ABCB10: variants seen among roughly 807,000 people sequenced by gnomAD.
ABCB10 encodes ATP binding cassette subfamily B member 10.
Under a neutral mutation model 65.4 loss-of-function variants are expected in ABCB10, and 54 were observed. That is an observed-to-expected ratio of 0.83 (90% CI 0.66 to 1.04). ABCB10 has a LOEUF of 1.04. Ranked by LOEUF, ABCB10 falls within the 50% of genes least tolerant of loss-of-function variation. The probability of loss-of-function intolerance (pLI) is 0.00; values close to 1 mark genes in which losing one functional copy is unlikely to be tolerated. For missense variants in ABCB10, 846 were observed against 976.6 expected (o/e 0.87, Z 1.78); for synonymous variants, 418 against 406.5 (o/e 1.03, Z -0.34).
At chr1:229,537,768 C>G (rs964250053) in intron 6 of ABCB10, among the ~76,000 whole-genome samples, 1 of 152,096 alleles carries the variant, frequency 6.6e-6, no homozygotes, top group African/African-American at 2.4e-5. Flanking sequence ...CCAGCTTGGG[C>G]GACAGAGCAA....
chr1:229,528,877 C>T (rs926819065), intron 8 of ABCB10, among the ~76,000 whole-genome samples: 5 of 152,046 alleles, frequency 3.3e-5, no homozygotes, highest in Non-Finnish European at 2.9e-5. Flanking sequence ...GAGTTGTTTG[C>T]TTGCTGACAT....
intron 3 of ABCB10, among the ~76,000 whole-genome samples, chr1:229,546,941 T>G (rs1384214719): frequency 2.0e-5 from 3 of 152,168 alleles, no homozygotes; most frequent in African/African-American, 4.8e-5. Flanking sequence ...CTTTTTTAAA[T>G]GTGGCTACTA....
intron 8 of ABCB10, among the ~76,000 whole-genome samples, chr1:229,529,399 G>A (rs1233450719): frequency 1.4e-5 from 2 of 145,974 alleles, no homozygotes; most frequent in Non-Finnish European, 3.0e-5. Flanking sequence ...GGCCAGGCAC[G>A]GTGGCTCACA....
At chr1:229,541,697 C>T (rs903143409) in intron 4 of ABCB10, among the ~76,000 whole-genome samples, 2 of 151,830 alleles carry the variant, frequency 1.3e-5, no homozygotes, top group East Asian at 3.9e-4. Context: ...CCCAGCACTC[C>T]GGGACGCCAA....
chr1:229,521,438 T>TA (rs1468221331), intron 11 of ABCB10, among the ~76,000 whole-genome samples, 154 bp downstream of exon 11: 1 of 150,510 alleles, frequency 6.6e-6, no homozygotes, highest in African/African-American at 2.4e-5. Flanking sequence ...TACACTAACT[T>TA]ACCTTTCACC....
Position 229,530,422 on chromosome 1 carries a change from T to C in ABCB10, c.1436-14A>G. On this transcript the variant is annotated splice_polypyrimidine_tract_variant and intron_variant, in intron 7 of 12. Coordinates refer to ENST00000344517, the MANE Select transcript of ABCB10 (RefSeq NM_012089.3). ...AGATGACCCCCTCTGAAACATAAAA[T>C]GGAATATTAATTACTTACAGCAAAA... 3 of 1,613,410 alleles carry C rather than the reference T, an allele frequency of 1.9e-6. No individual in the cohort carries two copies. The highest frequency in any genetic ancestry group is 1.7e-6 in the Non-Finnish European group (2 of 1,179,668).
At chr1:229,542,068 C>T (rs1386041697) in intron 4 of ABCB10, among the ~76,000 whole-genome samples, 169 bp downstream of exon 4, 1 of 151,774 alleles carries the variant, frequency 6.6e-6, no homozygotes, top group Non-Finnish European at 1.5e-5. Flanking sequence ...GAAATCTAGT[C>T]TAGAAAACAG....
chr1:229,526,549 C>T (rs74144731), intron 9 of ABCB10, among the ~76,000 whole-genome samples: 5,334 of 152,216 alleles, frequency 0.035, 112 homozygotes, highest in Middle Eastern at 0.11. Context: ...TAATCATATA[C>T]ACCACTGATG....
chr1:229,531,605 A>G, intron 7 of ABCB10, 31 bp downstream of exon 7: 3 of 1,600,872 alleles, frequency 1.9e-6, no homozygotes, highest in Non-Finnish European at 2.6e-6. Flanking sequence ...ACATTTGTTA[A>G]TCCTAGCAAA....
At chr1:229,520,007 A>C (rs1416799614) in intron 11 of ABCB10, among the ~76,000 whole-genome samples, 1 of 150,782 alleles carries the variant, frequency 6.6e-6, no homozygotes, top group Non-Finnish European at 1.5e-5. Context: ...TATGGTATGC[A>C]CCTATAGTCC....
intron 8 of ABCB10, among the ~76,000 whole-genome samples, chr1:229,529,408 C>A (rs1296699660): frequency 6.9e-6 from 1 of 145,956 alleles, no homozygotes; most frequent in African/African-American, 2.5e-5. Flanking sequence ...CGGTGGCTCA[C>A]ACCTGTAATC....
intron 7 of ABCB10, 123 bp downstream of exon 7, chr1:229,531,513 G>A (rs1427512519): frequency 6.3e-6 from 6 of 950,190 alleles, no homozygotes; most frequent in Non-Finnish European, 9.7e-6. Flanking sequence ...GGCCCGCCAT[G>A]CAGCAGGAGC....
chr1:229,542,172 C>T, intron 4 of ABCB10, 65 bp downstream of exon 4: 1 of 1,567,854 alleles, frequency 6.4e-7, no homozygotes, highest in Non-Finnish European at 8.6e-7. Flanking sequence ...TTAGGATCTG[C>T]CCTCTAGGAT....
Position 229,539,557 on chromosome 1 carries a change from A to G in ABCB10, c.1238T>C (p.Val413Ala), listed in dbSNP as rs1662794362. 6.2e-7 allele frequency: 1 copy of G among 1,614,058 alleles called. No homozygotes were observed. Among genetic ancestry groups the G allele is most frequent in the Non-Finnish European group, 8.5e-7 (1 of 1,180,004 alleles). Residue 413 changes from valine to alanine, a missense_variant, in exon 6 of 13, where the codon GTC (valine) becomes GCC (alanine). Val to Ala is a moderately conservative substitution (Grantham distance 64). Around this residue, in one of 2 missense-constraint regions of ABCB10, gnomAD observed 632 missense variants for 803.2 expected, o/e 0.79. Coordinates refer to ENST00000344517, the MANE Select transcript of ABCB10 (RefSeq NM_012089.3). ...CATCAGCAGCCCTCCTTTGTACAGG[A>G]CAGAAAGCACGATCAGGTTTCCGGA... ...GLSGNLIVLSVLYKGGLLMGS... is the reference protein window; with the variant it reads ...GLSGNLIVLSALYKGGLLMGS...
intron 6 of ABCB10, among the ~76,000 whole-genome samples, chr1:229,539,009 T>A (rs1022931379): frequency 6.6e-6 from 1 of 152,232 alleles, no homozygotes; most frequent in African/African-American, 2.4e-5. Context: ...TATTTTTTGA[T>A]TGCTCATTAA....
intron 10 of ABCB10, among the ~76,000 whole-genome samples, chr1:229,522,141 G>C (rs1453134110): frequency 2.0e-5 from 3 of 151,904 alleles, no homozygotes; most frequent in African/African-American, 2.4e-5. Flanking sequence ...TTATAGGCGG[G>C]AGCCACAGTG....
At chr1:229,551,253 A>G (rs1293082337) in intron 1 of ABCB10, among the ~76,000 whole-genome samples, 1 of 152,006 alleles carries the variant, frequency 6.6e-6, no homozygotes. Flanking sequence ...CCTCCCCAAA[A>G]AGGCCTGCTC....
intron 8 of ABCB10, among the ~76,000 whole-genome samples, chr1:229,529,985 C>T (rs1662540556): frequency 6.6e-6 from 1 of 152,212 alleles, no homozygotes; most frequent in African/African-American, 2.4e-5. Flanking sequence ...AGGTAGGACA[C>T]ATTACACACA....
intron 6 of ABCB10, among the ~76,000 whole-genome samples, chr1:229,533,568 G>A (rs2102692057): frequency 6.6e-6 from 1 of 152,222 alleles, no homozygotes; most frequent in African/African-American, 2.4e-5. Context: ...AAGATACAAT[G>A]GACTAAAATT....
Sources: allele counts gnomAD v4.1 joint callset (sites outside exome capture counted in the v4.1 genomes callset), GRCh38; gene constraint gnomAD v4.1.1; regional missense constraint gnomAD v4.1.1; transcripts MANE v1.5; gene names NCBI Gene and HGNC (gene_info 2026-07-23, HGNC 2026-07-21).